SERPINC1: variants seen among roughly 807,000 people sequenced by gnomAD.
SERPINC1 encodes serpin family C member 1.
Under a neutral mutation model 43.4 loss-of-function variants are expected in SERPINC1, and 12 were observed. The ratio of observed to expected loss-of-function variants is 0.28; its 90% CI spans 0.18 to 0.45. The LOEUF (loss-of-function observed/expected upper bound fraction) is 0.45, where lower values mean the gene tolerates loss of function less well. Among genes scored for constraint, SERPINC1 ranks in the 20% least tolerant of loss-of-function variants. The pLI, the probability that SERPINC1 is intolerant of heterozygous loss-of-function variation, is 1.00. For synonymous variants in SERPINC1, 210 were observed against 218.9 expected, an observed-to-expected ratio of 0.96 and a Z score of 0.36; for missense variants, 423 against 578.8, an observed-to-expected ratio of 0.73 and a Z score of 2.76.
intron 3 of SERPINC1, among the ~76,000 whole-genome samples, chr1:173,911,241 G>A (rs1262885325): frequency 6.6e-6 from 1 of 152,224 alleles, no homozygotes; most frequent in Non-Finnish European, 1.5e-5. Context: ...GCATGTGCCA[G>A]GGGAAGCAAT....
chr1:173,906,655 AT>A, intron 6 of SERPINC1, among the ~76,000 whole-genome samples: 1 of 144,926 alleles, frequency 6.9e-6, no homozygotes, highest in Admixed American at 6.8e-5. Flanking sequence ...TTTTTTTAAG[AT>A]TTTTTTGGTA....
chr1:173,911,838 C>T lies in SERPINC1; in HGVS notation c.585G>A (p.Glu195=), dbSNP rs1657782035. 1 of 1,614,050 alleles carries T rather than the reference C, an allele frequency of 6.2e-7. No homozygotes were observed. Among genetic ancestry groups the T allele is most frequent in the Admixed American group, 1.7e-5 (1 of 59,998 alleles). ...TFNETYQDIS[E]LVYGAKLQPL... is the part of the protein sequence containing the mutation. ...GCTGGAGCTTGGCTCCATATACCAA[C>T]TCACTGATGTCCTGGTAGGTCTCAT... is the stretch of plus-strand genomic sequence containing the variant. Residue 195 remains glutamate (E), a synonymous_variant, in exon 3 of 7, where the codon GAG becomes GAA. Transcript: ENST00000367698.
At chr1:173,909,150 A>G (rs1657656200) in intron 5 of SERPINC1, among the ~76,000 whole-genome samples, 1 of 148,884 alleles carries the variant, frequency 6.7e-6, no homozygotes, top group Non-Finnish European at 1.5e-5. Context: ...GCAACAGAGT[A>G]AGACTCTGTC....
chr1:173,909,236 A>G (rs1366834933), intron 5 of SERPINC1, among the ~76,000 whole-genome samples: 2 of 152,140 alleles, frequency 1.3e-5, no homozygotes, highest in Non-Finnish European at 2.9e-5. Context: ...AGCTCTTAAT[A>G]TCTGTCTCTT....
At position 173,909,609 on chromosome 1, in the gene SERPINC1, G is replaced by C. The variant is rs565091601; in HGVS notation, c.1096C>G (p.Gln366Glu). 4.6e-5 allele frequency: 75 copies of C among 1,613,990 alleles called. No homozygotes were observed. Among genetic ancestry groups the C allele is most frequent in the Middle Eastern group, 1.7e-4 (1 of 6,060 alleles). The change falls in exon 5 of 7, where the codon CAG (glutamine) becomes GAG (glutamate). Residue 366 changes from glutamine to glutamate, a missense_variant. By Grantham distance (29) the Gln-to-Glu change is conservative. Transcript: ENST00000367698. The stretch of plus-strand genomic sequence containing the variant: ...TCGACAAGGCCCATGTCTTGCAGCT[G>C]CTCCTTCAAACTGAAGCCGTCCTCA... ...RIEDGFSLKE[Q>E]LQDMGLVDLF...
chr1:173,912,895 A>C (rs933584285), intron 2 of SERPINC1, among the ~76,000 whole-genome samples: 1 of 152,168 alleles, frequency 6.6e-6, no homozygotes, highest in African/African-American at 2.4e-5. Context: ...GGACAGAGAC[A>C]TGAGTGATAT....
intron 2 of SERPINC1, among the ~76,000 whole-genome samples, chr1:173,913,417 A>G (rs779017293): frequency 2.6e-5 from 4 of 152,190 alleles, no homozygotes; most frequent in Non-Finnish European, 5.9e-5. Context: ...CATACTTCCC[A>G]GAGCCAGAAA....
In SERPINC1 at chr1:173,909,446, C is replaced by A. The variant is rs573631212; in HGVS notation, c.1153+106G>T. 4.5e-4 allele frequency: 522 copies of A among 1,148,118 alleles called. 3 individuals carry two copies. In the African/African-American group the frequency reaches 6.6e-3, roughly 15 times the overall value. 71.1% of individuals were successfully genotyped at this position (1,148,118 alleles called of 1,614,324 possible). A position where few individuals can be genotyped will look rare whatever the true frequency, so the allele number is the denominator to read the frequency against. Reference sequence around the variant, plus strand: ...AGCAGTAGAAACTAGGATCAGTATCCAGGAGTCCTGACTTGTTGCTCCTTT... The same window carrying A: ...AGCAGTAGAAACTAGGATCAGTATCAAGGAGTCCTGACTTGTTGCTCCTTT... On this transcript the variant is annotated intron_variant, in intron 5 of 6. Transcript: ENST00000367698.
At chr1:173,910,018 T>C in intron 4 of SERPINC1, 76 bp from the exon 5 acceptor site, 1 of 1,375,230 alleles carries the variant, frequency 7.3e-7, no homozygotes, top group South Asian at 1.2e-5. Context: ...ATCCATATTA[T>C]AGTGTTACAT....
rs139275128 is a variant in SERPINC1 at position 173,909,897 on chromosome 1, G to A, written c.808C>T (p.Leu270=). The change falls in exon 5 of 7, where the codon CTG becomes TTG. Residue 270 remains leucine (L), a synonymous_variant. Coordinates refer to ENST00000367698, the MANE Select transcript of SERPINC1 (RefSeq NM_000488.4). Reference sequence around the variant, plus strand: ...GACTCTCCATCAGCCTTGTAGAACAGTTCCTTCCTTGTGTTCTCAGGGCTG... The same window carrying A: ...GACTCTCCATCAGCCTTGTAGAACAATTCCTTCCTTGTGTTCTCAGGGCTG... The part of the protein sequence containing the change: ...KFSPENTRKE[L]FYKADGESCS... 49 of 1,614,188 alleles carry A rather than the reference G, an allele frequency of 3.0e-5. 1 individual carries two copies. In the African/African-American group the frequency reaches 6.4e-4, roughly 21 times the overall value.
rs757009890 is a variant in SERPINC1, at chr1:173,910,856, T to C, written c.660A>G (p.Lys220=). ...GGCCTTCGGTCTTATTGGACACCCATTTGTTGATGGCCGCTCTGGATTGCT... is the reference window on the plus strand; with the variant it reads ...GGCCTTCGGTCTTATTGGACACCCACTTGTTGATGGCCGCTCTGGATTGCT... The part of the protein sequence containing the change: ...NAEQSRAAIN[K]WVSNKTEGRI... Residue 220 remains lysine (K), a synonymous_variant, in exon 4 of 7, where the codon AAA becomes AAG. Coordinates refer to ENST00000367698, the MANE Select transcript of SERPINC1 (RefSeq NM_000488.4). 1.2e-6 allele frequency: 2 copies of C among 1,614,116 alleles called. No homozygotes were observed. The highest frequency in any genetic ancestry group is 1.7e-6 in the Non-Finnish European group (2 of 1,179,998).
intron 5 of SERPINC1, among the ~76,000 whole-genome samples, chr1:173,908,287 C>T (rs146146980): frequency 2.4e-4 from 37 of 151,540 alleles, no homozygotes; most frequent in African/African-American, 8.7e-4. Context: ...GTCAGGAGTT[C>T]AAGACCAGCC....
intron 6 of SERPINC1, 145 bp downstream of exon 6, chr1:173,907,305 T>C (rs866519137): frequency 1.4e-6 from 1 of 724,896 alleles, no homozygotes; most frequent in East Asian, 2.5e-5. Context: ...AATCACACCA[T>C]GAAGGTTTTG....
At chr1:173,911,285 A>G (rs1379950597) in intron 3 of SERPINC1, among the ~76,000 whole-genome samples, 2 of 152,224 alleles carry the variant, frequency 1.3e-5, no homozygotes, top group African/African-American at 2.4e-5. Flanking sequence ...TTGGCAGGTT[A>G]TATGGGGTTG....
chr1:173,910,896 G>T lies in SERPINC1; in HGVS notation c.625-5C>A. On this transcript the variant is annotated splice_polypyrimidine_tract_variant and splice_region_variant and intron_variant, in intron 3 of 6. Coordinates refer to ENST00000367698, the MANE Select transcript of SERPINC1 (RefSeq NM_000488.4). ...TCTGGATTGCTCTGCATTTTCCTGA[G>T]GAGAACAGAAAATAAACCTACTCAC... 2 of 1,614,096 alleles carry T rather than the reference G, an allele frequency of 1.2e-6. No individual in the cohort carries two copies. Among genetic ancestry groups the T allele is most frequent in the Non-Finnish European group, 1.7e-6 (2 of 1,179,994 alleles).
Position 173,911,996 on chromosome 1 carries a change from T to C in SERPINC1, c.427A>G (p.Ile143Val), listed in dbSNP as rs571861448. Residue 143 changes from isoleucine to valine, a missense_variant, in exon 3 of 7, where the codon ATA (isoleucine) becomes GTA (valine). Transcript: ENST00000367698. ...QLMEVFKFDT[I>V]SEKTSDQIHF... is the part of the protein sequence containing the mutation. ...ATCTGATCAGATGTTTTCTCAGATATGGTGTCAAACTTAAATACCTATAGA... is the reference window on the plus strand; with the variant it reads ...ATCTGATCAGATGTTTTCTCAGATACGGTGTCAAACTTAAATACCTATAGA... 3.1e-6 allele frequency: 5 copies of C among 1,613,918 alleles called. No individual in the cohort carries two copies. The highest frequency in any genetic ancestry group is 4.2e-6 in the Non-Finnish European group (5 of 1,179,818).
intron 2 of SERPINC1, among the ~76,000 whole-genome samples, chr1:173,913,371 AG>A (rs1171260420): frequency 2.0e-5 from 3 of 152,158 alleles, no homozygotes; most frequent in African/African-American, 7.2e-5. Context: ...AGTGGGGGGA[AG>A]GGGGTGGGAA....
chr1:173,910,438 A>G lies in SERPINC1; in HGVS notation c.762+316T>C, dbSNP rs181666489. 3.7e-3 allele frequency among the ~76,000 whole-genome samples: 565 copies of G among 152,112 alleles called. 4 individuals are homozygous for G. Among genetic ancestry groups the G allele is most frequent in the Non-Finnish European group, 5.8e-3 (394 of 67,966 alleles). On this transcript the variant is annotated intron_variant, in intron 4 of 6. Coordinates refer to ENST00000367698, the MANE Select transcript of SERPINC1 (RefSeq NM_000488.4). ...CTAAAAAAAAACCAAAAAATTAGCCAGGCATGGTGGTGGGTGCCTGTATTC... is the reference window on the plus strand; with the variant it reads ...CTAAAAAAAAACCAAAAAATTAGCCGGGCATGGTGGTGGGTGCCTGTATTC...
intron 4 of SERPINC1, 95 bp downstream of exon 4, chr1:173,910,659 C>T: frequency 8.3e-7 from 1 of 1,209,578 alleles, no homozygotes; most frequent in Non-Finnish European, 1.2e-6. Context: ...TCCATTTGCC[C>T]TCTCAGGGCT....
Sources: gnomAD v4.1 joint callset for allele counts (sites outside exome capture counted in the v4.1 genomes callset) on GRCh38, gnomAD v4.1.1 for gene constraint, MANE v1.5 for transcripts, NCBI Gene and HGNC (gene_info 2026-07-23, HGNC 2026-07-21) for gene names.